Variants in OTOS observed in about 807,000 individuals in gnomAD.
The protein encoded by OTOS is otospiralin.
In OTOS, 14 loss-of-function variants were observed where a neutral mutation model predicts 12.5. The ratio of observed to expected loss-of-function variants is 1.12; its 90% CI spans 0.74 to 1.76. OTOS has a LOEUF of 1.76. Among genes scored for constraint, OTOS ranks in the 40% most tolerant of loss-of-function variants. The pLI, the probability that OTOS is intolerant of heterozygous loss-of-function variation, is 0.00. For synonymous variants in OTOS, 49 were observed against 47.6 expected (o/e 1.03, Z -0.12); for missense variants, 141 against 112.8 (o/e 1.25, Z -1.13).
chr2:240,140,256 A>G lies in OTOS; in HGVS notation c.58+13T>C, dbSNP rs776927786. On this transcript the variant is annotated intron_variant, in intron 2 of 3. Transcript: ENST00000319460. Reference sequence around the variant, plus strand: ...GGTCCTGGTGGCTGCCTCCCTCCAGAGCGGCCCCTCACCTGCAAGAGGCCC... The same window carrying G: ...GGTCCTGGTGGCTGCCTCCCTCCAGGGCGGCCCCTCACCTGCAAGAGGCCC... The G allele has an allele frequency of 6.3e-7, 1 of 1,589,514 alleles. No individual in the cohort carries two copies. The highest frequency in any genetic ancestry group is 1.8e-5 in the Admixed American group (1 of 56,462).
chr2:240,139,340 G>A lies in OTOS; in HGVS notation c.100C>T (p.Leu34=). Residue 34 remains leucine (L), a synonymous_variant, in exon 4 of 4, where the codon CTG becomes TTG. Transcript: ENST00000319460. ...AAAGGCCAGTAGGGCATGGCCGGCA[G>A]CTCCGCGTAAGGGTCTGAAAGACAC... ...VQEEGDPYAE[L]PAMPYWPFST... The A allele has an allele frequency of 1.2e-6, 2 of 1,613,544 alleles. No homozygotes were observed. The highest frequency in any genetic ancestry group is 1.3e-5 in the African/African-American group (1 of 75,068).
rs1365251768 is a variant in OTOS at position 240,139,165 on chromosome 2, A to T, written c.*5T>A. 9 of 1,611,282 alleles carry T rather than the reference A, an allele frequency of 5.6e-6. No individual in the cohort carries two copies. The highest frequency in any genetic ancestry group is 7.6e-6 in the Non-Finnish European group (9 of 1,178,336). ...GGGGTGGGCGGGCACCAGGCTGGAC[A>T]CCATTCAGTCCTCCTGATAGGGAAC... On this transcript the variant is annotated 3_prime_UTR_variant, in exon 4 of 4. Coordinates refer to ENST00000319460, the MANE Select transcript of OTOS (RefSeq NM_148961.4).
chr2:240,140,057 G>C lies in OTOS; in HGVS notation c.85+5C>G, dbSNP rs201615141. On this transcript the variant is annotated splice_donor_5th_base_variant and intron_variant, in intron 3 of 3. Transcript: ENST00000319460. ...AATGAAAGGAAAGAAATTGGAGAAC[G>C]GTACCTCCTTCCTCCTGCACAGGCT... 91 of 1,613,040 alleles carry C rather than the reference G, an allele frequency of 5.6e-5. No individual in the cohort carries two copies. The highest frequency in any genetic ancestry group is 7.4e-5 in the Non-Finnish European group (87 of 1,179,616).
intron 2 of OTOS, 38 bp downstream of exon 2, chr2:240,140,231 G>A (rs774990872): frequency 1.9e-6 from 3 of 1,582,626 alleles, no homozygotes; most frequent in East Asian, 2.3e-5. Context: ...GGCTGTCGGG[G>A]GTCCTGGTGG....
chr2:240,140,051 G>A lies in OTOS; in HGVS notation c.85+11C>T, dbSNP rs2072040739. ...TATGCAAATGAAAGGAAAGAAATTG[G>A]AGAACGGTACCTCCTTCCTCCTGCA... On this transcript the variant is annotated intron_variant, in intron 3 of 3. Coordinates refer to ENST00000319460, the MANE Select transcript of OTOS (RefSeq NM_148961.4). 3 of 1,612,748 alleles carry A rather than the reference G, an allele frequency of 1.9e-6. No individual in the cohort carries two copies. The highest frequency in any genetic ancestry group is 2.5e-6 in the Non-Finnish European group (3 of 1,179,526).
chr2:240,139,468 C>G, intron 3 of OTOS, 114 bp from the exon 4 acceptor site: 1 of 1,108,092 alleles, frequency 9.0e-7, no homozygotes, highest in Non-Finnish European at 1.3e-6. Context: ...TACAGTGATA[C>G]AACCTTCCCA....
In OTOS at chr2:240,139,064, C is replaced by G. The variant is rs113605418; in HGVS notation, c.*106G>C. On this transcript the variant is annotated 3_prime_UTR_variant, in exon 4 of 4. Coordinates refer to ENST00000319460, the MANE Select transcript of OTOS (RefSeq NM_148961.4). ...GTCCGGAGTTTATTGAGCGTGAGAC[C>G]AGGCCTGACTCCTGCAGGGGCCAGG... 5.7e-3 allele frequency: 7,049 copies of G among 1,228,960 alleles called. 121 individuals carry two copies. Among genetic ancestry groups the G allele is most frequent in the South Asian group, 0.047 (3,074 of 65,318 alleles). 76.1% of individuals were successfully genotyped at this position (1,228,960 alleles called of 1,614,324 possible). A position where few individuals can be genotyped will look rare whatever the true frequency, so the allele number is the denominator to read the frequency against.
chr2:240,140,262 C>G lies in OTOS; in HGVS notation c.58+7G>C. On this transcript the variant is annotated splice_region_variant and intron_variant, in intron 2 of 3. Coordinates refer to ENST00000319460, the MANE Select transcript of OTOS (RefSeq NM_148961.4). ...GGTGGCTGCCTCCCTCCAGAGCGGC[C>G]CCTCACCTGCAAGAGGCCCCAGTAG... The G allele has an allele frequency of 6.3e-7, 1 of 1,592,474 alleles. No individual in the cohort carries two copies. Among genetic ancestry groups the G allele is most frequent in the Non-Finnish European group, 8.6e-7 (1 of 1,169,316 alleles).
At position 240,140,044 on chromosome 2, in the gene OTOS, G is replaced by A; in HGVS notation, c.85+18C>T. On this transcript the variant is annotated intron_variant, in intron 3 of 3. Transcript: ENST00000319460. ...AGTTACTTATGCAAATGAAAGGAAAGAAATTGGAGAACGGTACCTCCTTCC... is the reference window on the plus strand; with the variant it reads ...AGTTACTTATGCAAATGAAAGGAAAAAAATTGGAGAACGGTACCTCCTTCC... The A allele has an allele frequency of 3.1e-6, 5 of 1,612,518 alleles. No individual in the cohort carries two copies. The highest frequency in any genetic ancestry group is 4.2e-6 in the Non-Finnish European group (5 of 1,179,378).
Position 240,140,444 on chromosome 2 carries a change from C to G in OTOS, c.-118G>C. On this transcript the variant is annotated splice_region_variant and 5_prime_UTR_variant, in exon 2 of 4. Transcript: ENST00000319460. ...CTCTACCAGTCCCAGTGTGGGCAGC[C>G]CTGGGGAAAATGGCATGGATTTAAA... 1 of 1,060,544 alleles carries G rather than the reference C, an allele frequency of 9.4e-7. No homozygotes were observed. Among genetic ancestry groups the G allele is most frequent in the Non-Finnish European group, 1.3e-6 (1 of 763,540 alleles). The allele number at this position is 1,060,544 out of a possible 1,614,324, so 65.7% of individuals were successfully genotyped here.
intron 3 of OTOS, among the ~76,000 whole-genome samples, chr2:240,139,582 G>C (rs568048445): frequency 1.3e-5 from 2 of 152,312 alleles, no homozygotes; most frequent in African/African-American, 2.4e-5. Flanking sequence ...GCCCTGTCCT[G>C]TTTGAGGAAG....
rs1024024475 is a variant in OTOS at position 240,139,956 on chromosome 2, T to C, written c.85+106A>G. The C allele has an allele frequency of 8.2e-6, 11 of 1,346,552 alleles. No homozygotes were observed. In the African/African-American group the frequency reaches 1.3e-4, roughly 16 times the overall value. The allele number at this position is 1,346,552 out of a possible 1,614,324, so 83.4% of individuals were successfully genotyped here. On this transcript the variant is annotated intron_variant, in intron 3 of 3. Coordinates refer to ENST00000319460, the MANE Select transcript of OTOS (RefSeq NM_148961.4). Reference sequence around the variant, plus strand: ...TGGGCCTGAGCTGAGCCAGGGCCCCTGATGCGTCTGCTTGGGATAAGAAGC... The same window carrying C: ...TGGGCCTGAGCTGAGCCAGGGCCCCCGATGCGTCTGCTTGGGATAAGAAGC...
rs1330623860 is a variant in OTOS, at chr2:240,139,175, C to T, written c.265G>A (p.Asp89Asn). 1.2e-6 allele frequency: 2 copies of T among 1,612,964 alleles called. No homozygotes were observed. The highest frequency in any genetic ancestry group is 2.7e-5 in the African/African-American group (2 of 74,890). ...TLGFHVPYQE[D>N] is the part of the protein sequence containing the mutation. Reference sequence around the variant, plus strand: ...GGCACCAGGCTGGACACCATTCAGTCCTCCTGATAGGGAACGTGGAAGCCC... The same window carrying T: ...GGCACCAGGCTGGACACCATTCAGTTCTCCTGATAGGGAACGTGGAAGCCC... Residue 89 changes from aspartate (D) to asparagine (N), a missense_variant, in exon 4 of 4, where the codon GAC becomes AAC. Transcript: ENST00000319460.
rs374338389 is a variant in OTOS at position 240,140,332 on chromosome 2, C to G, written c.-6G>C. Reference sequence around the variant, plus strand: ...GGCACCATGCAGGCCTGCATCTTCCCGGTGCTTCCTGATCTGCGACTCAGG... The same window carrying G: ...GGCACCATGCAGGCCTGCATCTTCCGGGTGCTTCCTGATCTGCGACTCAGG... On this transcript the variant is annotated 5_prime_UTR_variant, in exon 2 of 4. Coordinates refer to ENST00000319460, the MANE Select transcript of OTOS (RefSeq NM_148961.4). 7.0e-6 allele frequency: 11 copies of G among 1,580,050 alleles called. No individual in the cohort carries two copies. In the East Asian group the frequency reaches 2.5e-4, roughly 37 times the overall value.
rs2072030167 is a variant in OTOS, at chr2:240,139,219, A to G, written c.221T>C (p.Phe74Ser). The G allele has an allele frequency of 6.2e-7, 1 of 1,613,924 alleles. No homozygotes were observed. The highest frequency in any genetic ancestry group is 1.3e-5 in the African/African-American group (1 of 74,994). Residue 74 changes from phenylalanine to serine, a missense_variant, in exon 4 of 4, where the codon TTC becomes TCC. Physicochemically the swap from Phe to Ser is radical, Grantham distance 155. Transcript: ENST00000319460. The part of the protein sequence containing the change: ...EDMARTFFAH[F>S]PLGSTLGFHV... ...GAAGCCCAGCGTGCTCCCCAGGGGG[A>G]AGTGGGCAAAGAAGGTTCGGGCCAT... is the stretch of plus-strand genomic sequence containing the variant.
chr2:240,140,523 CTATTTGGAGG>C, intron 1 of OTOS, 79 bp from the exon 2 acceptor site: 1 of 604,104 alleles, frequency 1.7e-6, no homozygotes, highest in Non-Finnish European at 2.8e-6. Flanking sequence ...TTTCAAACCA[CTATTTGGAGG>C]TGAAATCCCT....
At chr2:240,139,673 C>A (rs1224650535) in intron 3 of OTOS, among the ~76,000 whole-genome samples, 1 of 152,156 alleles carries the variant, frequency 6.6e-6, no homozygotes, top group Non-Finnish European at 1.5e-5. Flanking sequence ...CACTCCGCTA[C>A]CCCCCGTATA....
Position 240,140,067 on chromosome 2 carries a change from T to C in OTOS, c.80A>G (p.Glu27Gly). 3.1e-6 allele frequency: 5 copies of C among 1,613,476 alleles called. No homozygotes were observed. ...PLAGAKPVQE[E>G]GDPYAELPAM... ...AAGAAATTGGAGAACGGTACCTCCTTCCTCCTGCACAGGCTTGGCCCCTGC... is the reference window on the plus strand; with the variant it reads ...AAGAAATTGGAGAACGGTACCTCCTCCCTCCTGCACAGGCTTGGCCCCTGC... The change falls in exon 3 of 4, where the codon GAA (glutamate) becomes GGA (glycine). Residue 27 changes from glutamate to glycine, a missense_variant. By Grantham distance (98) the Glu-to-Gly change is moderately conservative. Transcript: ENST00000319460.
At chr2:240,140,215 C>T in intron 2 of OTOS, 54 bp downstream of exon 2, 1 of 1,587,624 alleles carries the variant, frequency 6.3e-7, no homozygotes, top group Non-Finnish European at 8.6e-7. Flanking sequence ...GGGGAGAGAA[C>T]AGGAGGGCTG....
Sources: allele counts gnomAD v4.1 joint callset (sites outside exome capture counted in the v4.1 genomes callset), GRCh38; gene constraint gnomAD v4.1.1; transcripts MANE v1.5; gene names NCBI Gene and HGNC (gene_info 2026-07-23, HGNC 2026-07-21).